FAM53A: variants seen among roughly 807,000 people sequenced by gnomAD.
The protein encoded by FAM53A is family with sequence similarity 53 member A.
In FAM53A, 28 loss-of-function variants were observed where a neutral mutation model predicts 26.6. That is an observed-to-expected ratio of 1.05 (90% CI 0.78 to 1.45). FAM53A has a LOEUF of 1.45. Ranked by LOEUF, FAM53A falls within the 40% of genes most tolerant of loss-of-function variation. The probability of loss-of-function intolerance (pLI) is 0.00; values close to 1 mark genes in which losing one functional copy is unlikely to be tolerated. For synonymous variants in FAM53A, 290 were observed against 253.1 expected (o/e 1.15, Z -1.38); for missense variants, 650 against 575.8 (o/e 1.13, Z -1.32).
chr4:1,642,566 C>A (rs1030500364), intron 4 of FAM53A, among the ~76,000 whole-genome samples: 1 of 152,328 alleles, frequency 6.6e-6, no homozygotes, highest in East Asian at 1.9e-4. Context: ...GGCGTGCTCT[C>A]TTGGGCGTCT....
At chr4:1,662,582 C>T (rs1713919569) in intron 2 of FAM53A, among the ~76,000 whole-genome samples, 2 of 143,872 alleles carry the variant, frequency 1.4e-5, no homozygotes, top group African/African-American at 5.2e-5. Context: ...CCCAGGAGGT[C>T]GAGGCTGCAG....
At chr4:1,673,912 A>T (rs1280610223) in intron 1 of FAM53A, among the ~76,000 whole-genome samples, 1 of 152,246 alleles carries the variant, frequency 6.6e-6, no homozygotes, top group East Asian at 1.9e-4. Flanking sequence ...CCAGGAGACG[A>T]CGGGGATTGT....
chr4:1,669,350 C>T (rs1224551217), intron 1 of FAM53A, among the ~76,000 whole-genome samples: 1 of 152,246 alleles, frequency 6.6e-6, no homozygotes, highest in Non-Finnish European at 1.5e-5. Flanking sequence ...AAGCGCTCCA[C>T]ACTGAAGCTG....
chr4:1,682,104 A>G (rs548987692), intron 1 of FAM53A, among the ~76,000 whole-genome samples: 2 of 152,320 alleles, frequency 1.3e-5, no homozygotes, highest in African/African-American at 4.8e-5. Context: ...AAGGAATCAG[A>G]TTAAACTACA....
chr4:1,582,032 C>T, the FAM53A span, among the ~76,000 whole-genome samples: 26 of 152,204 alleles, frequency 1.7e-4, no homozygotes, highest in Non-Finnish European at 2.5e-4. Flanking sequence ...GCTGGGATTA[C>T]AGGTGTGAGC....
chr4:1,618,178 A>G (rs780886249), intron 1 of FAM53A: 1 of 456,150 alleles, frequency 2.2e-6, no homozygotes, highest in African/African-American at 2.0e-5. Context: ...AAGACAGGGC[A>G]CGTGCTGCCT....
intron 4 of FAM53A, among the ~76,000 whole-genome samples, chr4:1,652,185 A>C (rs1243936598): frequency 7.3e-6 from 1 of 136,506 alleles, no homozygotes; most frequent in Non-Finnish European, 1.6e-5. Context: ...CACACACACC[A>C]TACACGCCAC....
chr4:1,629,339 G>A (rs1318064025), intron 1 of FAM53A, among the ~76,000 whole-genome samples: 2 of 152,194 alleles, frequency 1.3e-5, no homozygotes, highest in Admixed American at 6.5e-5. Context: ...AAGTGCGGGC[G>A]AAGCCTCAGG....
At chr4:1,603,263 C>G in the FAM53A span, among the ~76,000 whole-genome samples, 3 of 152,074 alleles carry the variant, frequency 2.0e-5, no homozygotes, top group East Asian at 5.8e-4. Flanking sequence ...GTGGGCACAC[C>G]CAGGAGCCAA....
chr4:1,620,790 C>T (rs1203873386), intron 1 of FAM53A, among the ~76,000 whole-genome samples: 1 of 152,132 alleles, frequency 6.6e-6, no homozygotes, highest in African/African-American at 2.4e-5. Flanking sequence ...ACATAAGCAA[C>T]AGCAACACCA....
the FAM53A span, among the ~76,000 whole-genome samples, chr4:1,599,522 G>T: frequency 1.4e-4 from 21 of 152,170 alleles, no homozygotes; most frequent in Non-Finnish European, 2.6e-4. This position sits in a 1 kb window ranked among gnomAD's most constrained non-coding sequence, Gnocchi z 6.1. Context: ...GTGCGGCCTC[G>T]TCAGCACAGG....
At chr4:1,666,791 C>T (rs1321607390) in intron 2 of FAM53A, among the ~76,000 whole-genome samples, 1 of 152,214 alleles carries the variant, frequency 6.6e-6, no homozygotes, top group Non-Finnish European at 1.5e-5. Context: ...CACTGACCAG[C>T]CTCGCCAACA....
At chr4:1,662,649 C>A (rs1305650757) in intron 2 of FAM53A, among the ~76,000 whole-genome samples, 95 of 104,402 alleles carry the variant, frequency 9.1e-4, no homozygotes, top group African/African-American at 2.8e-3. Flanking sequence ...GGCCCTGTCT[C>A]AAAAAAAAAA....
At chr4:1,685,684 G>A (rs973548856), upstream of FAM53A, among the ~76,000 whole-genome samples, 2 of 152,164 alleles carry the variant, frequency 1.3e-5, no homozygotes, top group African/African-American at 2.4e-5. Context: ...CAGCGGGGCT[G>A]GGGAGGGGAG....
In FAM53A at chr4:1,657,401, T is replaced by G; in HGVS notation, c.136+7A>C. 6.2e-7 allele frequency: 1 copy of G among 1,611,686 alleles called. No homozygotes were observed. The highest frequency in any genetic ancestry group is 1.1e-5 in the South Asian group (1 of 90,736). On this transcript the variant is annotated splice_region_variant and intron_variant, in intron 3 of 4. Coordinates refer to ENST00000308132, the MANE Select transcript of FAM53A (RefSeq NM_001174070.3). ...AGGCCTCCGGCCACAGCTCCTAAAG[T>G]GCTCACCGTTGAGCTCCAAAGGGAA...
rs1204116685 is a variant in FAM53A, at chr4:1,668,158, T to TC, written c.75+508_75+509insG. Among the ~76,000 whole-genome samples the TC allele has an allele frequency of 3.3e-5, 5 of 151,686 alleles. No individual in the cohort carries two copies. In the East Asian group the frequency reaches 5.8e-4, roughly 18 times the overall value. Reference sequence around the variant, plus strand: ...TAGCAAGTCAAGGCTCTTTTTTTTTTTGAGACGGAGTCTCGCTCTGTCCCA... The same window carrying TC: ...TAGCAAGTCAAGGCTCTTTTTTTTTTCTGAGACGGAGTCTCGCTCTGTCCCA... On this transcript the variant is annotated intron_variant, in intron 2 of 4. Transcript: ENST00000308132.
At chr4:1,636,101 C>G (rs982187283), downstream of FAM53A, among the ~76,000 whole-genome samples, 1 of 152,148 alleles carries the variant, frequency 6.6e-6, no homozygotes, top group African/African-American at 2.4e-5. Context: ...CCCACCTCAG[C>G]CTCCCAAAGT....
At chr4:1,681,412 G>C (rs558215557) in intron 1 of FAM53A, among the ~76,000 whole-genome samples, 1 of 152,232 alleles carries the variant, frequency 6.6e-6, no homozygotes, top group South Asian at 2.1e-4. Context: ...CAAAGTGCTG[G>C]GATTACAGGT....
the FAM53A span, among the ~76,000 whole-genome samples, chr4:1,583,955 C>T: frequency 6.6e-6 from 1 of 152,232 alleles, no homozygotes. Context: ...ACAACCACTC[C>T]TTGTCTATCA....
Sources: allele counts gnomAD v4.1 joint callset (sites outside exome capture counted in the v4.1 genomes callset), GRCh38; gene constraint gnomAD v4.1.1; non-coding constraint Gnocchi (gnomAD v3.1); transcripts MANE v1.5; gene names NCBI Gene and HGNC (gene_info 2026-07-23, HGNC 2026-07-21).